ARL15: variants seen among roughly 807,000 people sequenced by gnomAD.
ARL15 encodes ARF like GTPase 15.
Under a neutral mutation model 25.2 loss-of-function variants are expected in ARL15, and 19 were observed. The ratio of observed to expected loss-of-function variants is 0.75; its 90% CI spans 0.53 to 1.10. ARL15 has a LOEUF of 1.10. ARL15 is among the 50% of genes least tolerant of loss of function. The pLI is 0.00. For missense variants in ARL15, 220 were observed against 246.0 expected, an observed-to-expected ratio of 0.89 and a Z score of 0.71; for synonymous variants, 94 against 86.8, an observed-to-expected ratio of 1.08 and a Z score of -0.46.
Position 54,133,118 on chromosome 5 carries a change from G to A in ARL15, c.254-19708C>T, listed in dbSNP as rs960587373. Among the ~76,000 whole-genome samples the A allele has an allele frequency of 2.6e-5, 4 of 152,016 alleles. No individual in the cohort carries two copies. The South Asian group carries it at 8.3e-4, about 32-fold the overall frequency. On this transcript the variant is annotated intron_variant, in intron 3 of 4. Transcript: ENST00000504924. ...TTTCTGTTTTTAATATCTAATCTAA[G>A]GAAATATTTAGAAACTCAATTCAAA... is the stretch of plus-strand genomic sequence containing the variant.
chr5:54,249,533 G>C (rs1757184609), intron 1 of ARL15, among the ~76,000 whole-genome samples: 3 of 152,152 alleles, frequency 2.0e-5, no homozygotes, highest in Non-Finnish European at 2.9e-5. Context: ...AATAAGGAAG[G>C]AGAGAGATAG....
At chr5:54,288,841 T>C (rs1758247459) in intron 1 of ARL15, among the ~76,000 whole-genome samples, 1 of 152,104 alleles carries the variant, frequency 6.6e-6, no homozygotes, top group African/African-American at 2.4e-5. Flanking sequence ...CAATAAGGCA[T>C]ATGGGCAATA....
At chr5:54,025,584 T>C (rs900516485) in intron 4 of ARL15, among the ~76,000 whole-genome samples, 5 of 152,196 alleles carry the variant, frequency 3.3e-5, no homozygotes, top group African/African-American at 1.2e-4. Context: ...TACCAAGTGA[T>C]AAGGGATAAT....
chr5:53,972,266 C>T (rs1747778834), intron 4 of ARL15, among the ~76,000 whole-genome samples: 1 of 152,114 alleles, frequency 6.6e-6, no homozygotes, highest in South Asian at 2.1e-4. Flanking sequence ...GATTAATCAC[C>T]TGCCCGCATT....
intron 4 of ARL15, among the ~76,000 whole-genome samples, chr5:54,048,636 C>T (rs907603198): frequency 2.0e-5 from 3 of 151,760 alleles, no homozygotes; most frequent in Non-Finnish European, 4.4e-5. Context: ...CTCCTGACCT[C>T]AAGTGATCTG....
chr5:54,211,095 G>A (rs1293849941), intron 1 of ARL15, among the ~76,000 whole-genome samples: 1 of 152,202 alleles, frequency 6.6e-6, no homozygotes, highest in African/African-American at 2.4e-5. Flanking sequence ...AAGACAGACT[G>A]TCCAATTATA....
intron 4 of ARL15, among the ~76,000 whole-genome samples, chr5:54,009,644 A>G (rs1749168821): frequency 6.6e-6 from 1 of 152,218 alleles, no homozygotes; most frequent in Non-Finnish European, 1.5e-5. Flanking sequence ...TTCAGCAAAC[A>G]TGCAGTTGAC....
intron 1 of ARL15, among the ~76,000 whole-genome samples, chr5:54,200,201 G>T (rs1006924842): frequency 6.6e-6 from 1 of 151,276 alleles, no homozygotes; most frequent in Non-Finnish European, 1.5e-5. Flanking sequence ...GCTAGATGAC[G>T]AGTTAGTGGG....
chr5:54,116,023 T>C (rs932328968), intron 3 of ARL15, among the ~76,000 whole-genome samples: 1 of 152,160 alleles, frequency 6.6e-6, no homozygotes, highest in African/African-American at 2.4e-5. Flanking sequence ...GGCAAAGATA[T>C]TGTTTCAGAA....
intron 4 of ARL15, among the ~76,000 whole-genome samples, chr5:53,968,340 G>A (rs1747632251): frequency 6.6e-6 from 1 of 152,050 alleles, no homozygotes; most frequent in South Asian, 2.1e-4. Context: ...TAACATAAAA[G>A]CACAGATTTA....
At chr5:54,203,448 T>C (rs1755776772) in intron 1 of ARL15, among the ~76,000 whole-genome samples, 1 of 152,180 alleles carries the variant, frequency 6.6e-6, no homozygotes, top group African/African-American at 2.4e-5. Context: ...AGATTCTGGA[T>C]AATCAACTAT....
At chr5:54,249,978 A>G (rs1757199274) in intron 1 of ARL15, among the ~76,000 whole-genome samples, 1 of 152,226 alleles carries the variant, frequency 6.6e-6, no homozygotes, top group Non-Finnish European at 1.5e-5. Flanking sequence ...GCATTGCTAT[A>G]AAGAAATATC....
chr5:54,127,381 A>G (rs1366486563), intron 3 of ARL15, among the ~76,000 whole-genome samples: 3 of 152,196 alleles, frequency 2.0e-5, no homozygotes, highest in Non-Finnish European at 4.4e-5. Flanking sequence ...ATAACAGACA[A>G]ACAGAGAGCC....
At chr5:53,989,477 C>T (rs958383373) in intron 4 of ARL15, among the ~76,000 whole-genome samples, 1 of 152,134 alleles carries the variant, frequency 6.6e-6, no homozygotes, top group Admixed American at 6.5e-5. Context: ...AATAATCACC[C>T]TGAGCATGAG....
At chr5:54,133,605 C>T (rs1272371339) in intron 3 of ARL15, among the ~76,000 whole-genome samples, 2 of 152,168 alleles carry the variant, frequency 1.3e-5, no homozygotes, top group Non-Finnish European at 2.9e-5. Context: ...ATTCAGCTGA[C>T]AGTTTCATAG....
intron 1 of ARL15, among the ~76,000 whole-genome samples, chr5:54,221,868 C>CAAA (rs1756387257): frequency 2.1e-5 from 3 of 143,120 alleles, no homozygotes; most frequent in African/African-American, 7.9e-5. Context: ...CACACACACA[C>CAAA]ACAAAACCCT....
intron 1 of ARL15, among the ~76,000 whole-genome samples, chr5:54,204,337 T>C (rs930184207): frequency 6.6e-6 from 1 of 152,204 alleles, no homozygotes; most frequent in African/African-American, 2.4e-5. Flanking sequence ...ACAGGAGACA[T>C]GCAGGAATTC....
chr5:54,012,237 G>C lies in ARL15; in HGVS notation c.462+100965C>G, dbSNP rs2111789454. Among the ~76,000 whole-genome samples the C allele has an allele frequency of 1.3e-5, 2 of 152,268 alleles. 1 individual carries two copies. The highest frequency in any genetic ancestry group is 6.8e-3 in the Middle Eastern group (2 of 294). On this transcript the variant is annotated intron_variant, in intron 4 of 4. Coordinates refer to ENST00000504924, the MANE Select transcript of ARL15 (RefSeq NM_019087.3). ...TCTGAAAGAGATGAGAGAAGATACTGTCCATCCCTTTAGATAAGCAAATAT... is the reference window on the plus strand; with the variant it reads ...TCTGAAAGAGATGAGAGAAGATACTCTCCATCCCTTTAGATAAGCAAATAT...
At chr5:54,291,710 C>A (rs1365110283) in intron 1 of ARL15, among the ~76,000 whole-genome samples, 2 of 152,222 alleles carry the variant, frequency 1.3e-5, no homozygotes, top group Non-Finnish European at 2.9e-5. Flanking sequence ...ACAGGCCCCA[C>A]TAGTTCCCAT....
Sources: gnomAD v4.1 joint callset for allele counts (sites outside exome capture counted in the v4.1 genomes callset) on GRCh38, gnomAD v4.1.1 for gene constraint, MANE v1.5 for transcripts, NCBI Gene and HGNC (gene_info 2026-07-23, HGNC 2026-07-21) for gene names.